The following TULP4 variants were observed in gnomAD, a reference collection of about 807,000 sequenced individuals.
TULP4 encodes TUB like protein 4, also known as tubby-related protein 4.
Under a neutral mutation model 129.0 loss-of-function variants are expected in TULP4, and 16 were observed. The observed-to-expected ratio is 0.12, with a 90% CI of 0.08 to 0.19. The LOEUF (loss-of-function observed/expected upper bound fraction) is 0.19. Ranked by LOEUF, TULP4 falls within the 10% of genes least tolerant of loss-of-function variation. The probability of loss-of-function intolerance (pLI) is 1.00; values close to 1 mark genes in which losing one functional copy is unlikely to be tolerated. For synonymous variants in TULP4, 998 were observed against 854.0 expected, an observed-to-expected ratio of 1.17 and a Z score of -2.94; for missense variants, 1,842 against 2,059.1, an observed-to-expected ratio of 0.89 and a Z score of 2.04.
At chr6:158,274,508 G>C (rs1354868723) in intron 1 of TULP4, among the ~76,000 whole-genome samples, 1 of 151,838 alleles carries the variant, frequency 6.6e-6, no homozygotes, top group Non-Finnish European at 1.5e-5. Context: ...CGGGCGCAGT[G>C]GCTCACGCCT....
At chr6:158,357,695 G>A (rs1039349808) in intron 1 of TULP4, among the ~76,000 whole-genome samples, 1 of 152,162 alleles carries the variant, frequency 6.6e-6, no homozygotes, top group East Asian at 1.9e-4. Context: ...TTCCCTGAGG[G>A]ATTGCCCCAA....
rs113914160 is a variant in TULP4, at chr6:158,246,023, G to GGGGGGTGT, written n.68+13721_68+13722insGGGGTGTG. 1.9e-3 allele frequency among the ~76,000 whole-genome samples: 273 copies of GGGGGGTGT among 145,918 alleles called. 6 individuals carry two copies. The highest frequency in any genetic ancestry group is 0.017 in the Admixed American group (242 of 14,554). On this transcript the variant is annotated intron_variant and non_coding_transcript_variant, in intron 1 of 1. Coordinates refer to the TULP4 transcript ENST00000620026. ...GTGAGTAATTTGCCTACCCCTTAGGGGTGTGTGTGTGTGTGTGTGTGTGTG... is the reference window on the plus strand; with the variant it reads ...GTGAGTAATTTGCCTACCCCTTAGGGGGGGGTGTGTGTGTGTGTGTGTGTGTGTGTGTG...
chr6:158,432,884 A>G (rs1011598498), intron 3 of TULP4, among the ~76,000 whole-genome samples: 2 of 152,252 alleles, frequency 1.3e-5, no homozygotes, highest in Admixed American at 1.3e-4. Flanking sequence ...TGTTTTTGAA[A>G]GTAAGTGGTA....
chr6:158,272,751 A>G (rs1778573131), intron 1 of TULP4, among the ~76,000 whole-genome samples: 1 of 152,168 alleles, frequency 6.6e-6, no homozygotes, highest in African/African-American at 2.4e-5. Flanking sequence ...CTTAATCACT[A>G]CTGCTTTCCA....
At chr6:158,371,956 A>G (rs985482330) in intron 1 of TULP4, among the ~76,000 whole-genome samples, 1 of 152,088 alleles carries the variant, frequency 6.6e-6, no homozygotes, top group East Asian at 1.9e-4. Context: ...CTGGCACTAC[A>G]GGCACATGCC....
At chr6:158,309,790 G>A (rs375987837), upstream of TULP4, among the ~76,000 whole-genome samples, 436 of 152,058 alleles carry the variant, frequency 2.9e-3, 3 homozygotes, top group East Asian at 0.046. Context: ...TCGGCAGGCC[G>A]AGGCAGGAGA....
chr6:158,322,976 C>T (rs368178103), intron 1 of TULP4, among the ~76,000 whole-genome samples: 7 of 152,170 alleles, frequency 4.6e-5, no homozygotes, highest in South Asian at 2.1e-4. Flanking sequence ...GCACGTTTAG[C>T]GCGTGCTTTT....
chr6:158,366,047 T>C (rs559127141), intron 1 of TULP4, among the ~76,000 whole-genome samples: 17 of 151,498 alleles, frequency 1.1e-4, no homozygotes, highest in Non-Finnish European at 1.9e-4. Flanking sequence ...GGACTACAGG[T>C]GCCTGCCACC....
At chr6:158,435,478 GCCT>G (rs1178812560) in intron 3 of TULP4, among the ~76,000 whole-genome samples, 1 of 152,118 alleles carries the variant, frequency 6.6e-6, no homozygotes, top group Admixed American at 6.6e-5. Flanking sequence ...GCTGGATCTT[GCCT>G]CCTCCTCCCA....
At chr6:158,433,862 G>A (rs904817844) in intron 3 of TULP4, among the ~76,000 whole-genome samples, 2 of 152,318 alleles carry the variant, frequency 1.3e-5, no homozygotes, top group East Asian at 3.9e-4. Flanking sequence ...TAGTGGGTGA[G>A]GACTCTGTAT....
chr6:158,306,257 T>C (rs1413930789), intron 1 of TULP4, among the ~76,000 whole-genome samples: 1 of 152,244 alleles, frequency 6.6e-6, no homozygotes, highest in Non-Finnish European at 1.5e-5. Flanking sequence ...AAAATAGTTA[T>C]TTAAGATTTA....
At chr6:158,334,695 T>C (rs1779992041) in intron 1 of TULP4, among the ~76,000 whole-genome samples, 1 of 152,206 alleles carries the variant, frequency 6.6e-6, no homozygotes, top group Non-Finnish European at 1.5e-5. Context: ...TGTGCAGTGG[T>C]CTGAATGTGT....
Position 158,368,495 on chromosome 6 carries a change from A to G in TULP4, c.253-44570A>G, listed in dbSNP as rs556140892. 3.3e-5 allele frequency among the ~76,000 whole-genome samples: 5 copies of G among 152,284 alleles called. No individual in the cohort carries two copies. The East Asian group carries it at 9.6e-4, about 29-fold the overall frequency. On this transcript the variant is annotated intron_variant, in intron 1 of 13. Coordinates refer to ENST00000367097, the MANE Select transcript of TULP4 (RefSeq NM_020245.5). ...TTAGCCCTTTTGAACAGCATGTGACAGGCCATTTGTCTTATAAAGCATATC... is the reference window on the plus strand; with the variant it reads ...TTAGCCCTTTTGAACAGCATGTGACGGGCCATTTGTCTTATAAAGCATATC...
chr6:158,233,857 T>C (rs1246640375), intron 1 of TULP4, among the ~76,000 whole-genome samples: 2 of 152,216 alleles, frequency 1.3e-5, no homozygotes, highest in Non-Finnish European at 2.9e-5. Flanking sequence ...GTGGATTTCC[T>C]TTAAGAATTT....
chr6:158,351,702 T>C (rs1477856540), intron 1 of TULP4, among the ~76,000 whole-genome samples: 2 of 140,584 alleles, frequency 1.4e-5, no homozygotes, highest in Non-Finnish European at 3.1e-5. Context: ...TTTTGTGTTG[T>C]TAAACTTTTT....
intron 1 of TULP4, among the ~76,000 whole-genome samples, chr6:158,240,738 G>T: frequency 7.6e-6 from 1 of 132,436 alleles, no homozygotes; most frequent in South Asian, 2.5e-4. Flanking sequence ...CGGCTGGCCG[G>T]GCGGGGGGCT....
At chr6:158,265,251 C>T (rs1191405495) in intron 1 of TULP4, among the ~76,000 whole-genome samples, 1 of 152,162 alleles carries the variant, frequency 6.6e-6, no homozygotes, top group Non-Finnish European at 1.5e-5. Flanking sequence ...GATTCCTGGT[C>T]TGATTCTTTT....
At chr6:158,401,054 TTGTTG>T (rs757522866) in intron 1 of TULP4, among the ~76,000 whole-genome samples, 53 of 49,122 alleles carry the variant, frequency 1.1e-3, no homozygotes, top group African/African-American at 2.1e-3. Context: ...GGGTTTTTTG[TTGTTG>T]TTGTTGTTGT....
At chr6:158,445,213 A>G (rs569791928) in intron 3 of TULP4, among the ~76,000 whole-genome samples, 47 of 152,264 alleles carry the variant, frequency 3.1e-4, no homozygotes, top group African/African-American at 1.1e-3. Flanking sequence ...CTTGACCTGT[A>G]TGTGTCTACT....
Sources: allele counts gnomAD v4.1 joint callset (sites outside exome capture counted in the v4.1 genomes callset), GRCh38; gene constraint gnomAD v4.1.1; transcripts MANE v1.5; gene names NCBI Gene and HGNC (gene_info 2026-07-23, HGNC 2026-07-21).